The following FAM149A variants were observed in gnomAD, a reference collection of about 807,000 sequenced individuals.
The protein encoded by FAM149A is family with sequence similarity 149 member A.
In FAM149A, 71 loss-of-function variants were observed where a neutral mutation model predicts 78.2. The observed-to-expected ratio is 0.91, with a 90% confidence interval of 0.75 to 1.11. The LOEUF is 1.11. FAM149A is among the 50% of genes least tolerant of loss of function. The probability of loss-of-function intolerance (pLI) is 0.00; values close to 1 mark genes in which losing one functional copy is unlikely to be tolerated. For synonymous variants in FAM149A, 446 were observed against 410.5 expected, an observed-to-expected ratio of 1.09 and a Z score of -1.04; for missense variants, 1,036 against 971.0, an observed-to-expected ratio of 1.07 and a Z score of -0.89.
rs138257697 is a variant in FAM149A at position 186,157,722 on chromosome 4, C to A, written c.1575+3C>A. The A allele has an allele frequency of 1.2e-6, 2 of 1,603,586 alleles. No individual in the cohort carries two copies. The highest frequency in any genetic ancestry group is 1.7e-6 in the Non-Finnish European group (2 of 1,174,454). On this transcript the variant is annotated splice_donor_region_variant and intron_variant, in intron 8 of 13. Transcript: ENST00000389354. ...CTTCTCGTCTGAACCCGCCCCAGGT[C>A]GGTGCTTTCACACCCTTCTCCCTCT...
In FAM149A at chr4:186,152,124, C is replaced by T. The variant is rs918421019; in HGVS notation, c.932+79C>T. ...CTGACCTGCCTCGATACATTCAGTACATTTGGTGTGAAAGTGCCTGCCCAG... is the reference window on the plus strand; with the variant it reads ...CTGACCTGCCTCGATACATTCAGTATATTTGGTGTGAAAGTGCCTGCCCAG... On this transcript the variant is annotated intron_variant, in intron 4 of 13. Coordinates refer to ENST00000389354, the MANE Select transcript of FAM149A (RefSeq NM_001367768.3). The T allele has an allele frequency of 4.2e-6, 6 of 1,416,404 alleles. No individual in the cohort carries two copies. In the African/African-American group the frequency reaches 7.1e-5, roughly 17 times the overall value. 87.7% of individuals were successfully genotyped at this position (1,416,404 alleles called of 1,614,324 possible). A position where few individuals can be genotyped will look rare whatever the true frequency, so the allele number is the denominator to read the frequency against.
chr4:186,136,318 G>A (rs1489242027), intron 1 of FAM149A, among the ~76,000 whole-genome samples: 2 of 152,068 alleles, frequency 1.3e-5, no homozygotes, highest in East Asian at 3.9e-4. Context: ...ACTAAGTATA[G>A]TAAACAAATG....
rs184624566 is a variant in FAM149A, at chr4:186,120,559, C to T, written c.566+14917C>T. ...CTGTAATCCCAGCACTTTGGGAGGC[C>T]GAGGCAGGTGGATCACGAGATTAGG... On this transcript the variant is annotated intron_variant, in intron 1 of 13. Coordinates refer to ENST00000389354, the MANE Select transcript of FAM149A (RefSeq NM_001367768.3). Among the ~76,000 whole-genome samples, 86 of 151,834 alleles carry T rather than the reference C, an allele frequency of 5.7e-4. 1 individual carries two copies. The highest frequency in any genetic ancestry group is 3.7e-3 in the East Asian group (19 of 5,104).
chr4:186,120,494 T>G (rs922162515), intron 1 of FAM149A, among the ~76,000 whole-genome samples: 6 of 151,932 alleles, frequency 3.9e-5, no homozygotes, highest in African/African-American at 1.5e-4. Context: ...AATAAAAATT[T>G]AAAAATCACG....
At position 186,129,869 on chromosome 4, in the gene FAM149A, T is replaced by C. The variant is rs141498027; in HGVS notation, c.567-19304T>C. ...CCAACTAAAAGGAAGCTGATGTATC[T>C]TGTATTAGACCAAGTAGACTCCCAA... On this transcript the variant is annotated intron_variant, in intron 1 of 13. Transcript: ENST00000389354. Among the ~76,000 whole-genome samples, 428 of 152,338 alleles carry C rather than the reference T, an allele frequency of 2.8e-3. 2 individuals carry two copies. Among genetic ancestry groups the C allele is most frequent in the African/African-American group, 9.9e-3 (412 of 41,590 alleles).
At chr4:186,154,887 G>A (rs1192053475) in intron 6 of FAM149A, 1 of 985,250 alleles carries the variant, frequency 1.0e-6, no homozygotes, top group Non-Finnish European at 1.2e-6. Context: ...CTGGTCCTGG[G>A]GGCTCCAGGT....
chr4:186,123,252 A>G (rs938263649), intron 1 of FAM149A: 14 of 985,194 alleles, frequency 1.4e-5, no homozygotes, highest in African/African-American at 8.7e-5. Context: ...GGCTGTTTGT[A>G]TAGTTTATTT....
Position 186,175,177 on chromosome 4 carries a change from C to A in FAM149A, c.*3190C>A, listed in dbSNP as rs537418570. Among the ~76,000 whole-genome samples the A allele has an allele frequency of 3.6e-5, 4 of 110,974 alleles. 2 individuals are homozygous for A. Among genetic ancestry groups the A allele is most frequent in the Admixed American group, 1.8e-4 (2 of 11,390 alleles). The allele number at this position is 110,974 out of a possible 152,430, so 72.8% of individuals were successfully genotyped here. A position where few individuals can be genotyped will look rare whatever the true frequency, so the allele number is the denominator to read the frequency against. On this transcript the variant is annotated 3_prime_UTR_variant, in exon 14 of 14. Coordinates refer to ENST00000389354, the MANE Select transcript of FAM149A (RefSeq NM_001367768.3). ...GAATTTCTACACCAATTCAGAAGTA[C>A]GTTTTTATATATCATTTGGATATTA... is the stretch of plus-strand genomic sequence containing the variant.
At chr4:186,111,717 A>G (rs1309508655) in intron 1 of FAM149A, among the ~76,000 whole-genome samples, 6 of 151,290 alleles carry the variant, frequency 4.0e-5, no homozygotes, top group South Asian at 2.1e-4. Flanking sequence ...GATATGCGGC[A>G]TTATTTCTGA....
chr4:186,168,756 C>G (rs1735279401), intron 13 of FAM149A, among the ~76,000 whole-genome samples: 1 of 152,180 alleles, frequency 6.6e-6, no homozygotes, highest in Non-Finnish European at 1.5e-5. Context: ...CACTCTGTGC[C>G]AAGGTCTATG....
chr4:186,117,565 C>T lies in FAM149A; in HGVS notation c.566+11923C>T, dbSNP rs574205316. 1.5e-5 allele frequency: 15 copies of T among 985,392 alleles called. No individual in the cohort carries two copies. In the East Asian group the frequency reaches 6.8e-4, roughly 45 times the overall value. The allele number at this position is 985,392 out of a possible 1,614,324, so 61.0% of individuals were successfully genotyped here. A position where few individuals can be genotyped will look rare whatever the true frequency, so the allele number is the denominator to read the frequency against. On this transcript the variant is annotated intron_variant, in intron 1 of 13. Coordinates refer to ENST00000389354, the MANE Select transcript of FAM149A (RefSeq NM_001367768.3). ...CACCTGGGGCTTGGGAGGGCACTGT[C>T]GGAGACCAAAGCAGTGTGAGCAAAG...
In FAM149A at chr4:186,144,213, G is replaced by A. The variant is rs1185507983; in HGVS notation, c.567-4960G>A. 1 of 152,178 alleles carries A rather than the reference G, an allele frequency of 6.6e-6. No individual in the cohort carries two copies. The highest frequency in any genetic ancestry group is 1.9e-4 in the East Asian group (1 of 5,172). The allele number at this position is 152,178 out of a possible 1,614,324, so 9.4% of individuals were successfully genotyped here. A position where few individuals can be genotyped will look rare whatever the true frequency, so the allele number is the denominator to read the frequency against. ...GGCAGTTTCACCAGCTCACAGGAGA[G>A]CGTCCAGCTGCTCTGCTCCTGGTAT... On this transcript the variant is annotated intron_variant, in intron 1 of 13. Coordinates refer to ENST00000389354, the MANE Select transcript of FAM149A (RefSeq NM_001367768.3). This position sits in a 1 kb window ranked among gnomAD's most constrained non-coding sequence, Gnocchi z 4.2.
intron 5 of FAM149A, 135 bp downstream of exon 5, chr4:186,153,905 G>C: frequency 1.1e-6 from 1 of 882,746 alleles, no homozygotes; most frequent in Non-Finnish European, 1.7e-6. Context: ...CAGGTACAGA[G>C]AACAATTTTT....
intron 13 of FAM149A, chr4:186,169,913 C>G (rs763684241): frequency 1.4e-5 from 14 of 985,314 alleles, no homozygotes; most frequent in African/African-American, 1.7e-5. Flanking sequence ...ATGCACAGCT[C>G]CAAGAGGTTT....
Position 186,130,660 on chromosome 4 carries a change from A to G in FAM149A, c.567-18513A>G, listed in dbSNP as rs190341053. On this transcript the variant is annotated intron_variant, in intron 1 of 13. Transcript: ENST00000389354. Reference sequence around the variant, plus strand: ...AGGCATGAGCCACCGTGCCTGGCCAATTATGTATAATTTTTTGGAGTCAAT... The same window carrying G: ...AGGCATGAGCCACCGTGCCTGGCCAGTTATGTATAATTTTTTGGAGTCAAT... Among the ~76,000 whole-genome samples, 466 of 152,038 alleles carry G rather than the reference A, an allele frequency of 3.1e-3. 15 individuals are homozygous for G. The highest frequency in any genetic ancestry group is 4.1e-4 in the Non-Finnish European group (28 of 67,976).
chr4:186,104,905 G>T lies in FAM149A; in HGVS notation c.-172G>T. On this transcript the variant is annotated 5_prime_UTR_variant, in exon 1 of 14. Transcript: ENST00000389354. ...GGACGGACCCGGGCCGGGGAAGGGCGACCCCAGCGGCGCGGAGCTGAGCGT... is the reference window on the plus strand; with the variant it reads ...GGACGGACCCGGGCCGGGGAAGGGCTACCCCAGCGGCGCGGAGCTGAGCGT... The T allele has an allele frequency of 1.9e-5, 18 of 945,766 alleles. No homozygotes were observed. Among genetic ancestry groups the T allele is most frequent in the Non-Finnish European group, 2.3e-5 (18 of 793,818 alleles). The allele number at this position is 945,766 out of a possible 1,614,324, so 58.6% of individuals were successfully genotyped here.
At chr4:186,170,115 C>T (rs1361431115) in intron 13 of FAM149A, among the ~76,000 whole-genome samples, 3 of 152,210 alleles carry the variant, frequency 2.0e-5, no homozygotes, top group African/African-American at 7.2e-5. Flanking sequence ...CAGGGGACTC[C>T]CTGGAGCTCC....
intron 13 of FAM149A, chr4:186,171,315 C>G (rs543809320): frequency 6.6e-6 from 1 of 152,322 alleles, no homozygotes; most frequent in Admixed American, 6.5e-5. Flanking sequence ...AACTCTGAGA[C>G]AGCTACTATT....
chr4:186,109,811 T>G, intron 1 of FAM149A: 1 of 985,172 alleles, frequency 1.0e-6, no homozygotes, highest in Non-Finnish European at 1.2e-6. Flanking sequence ...ATAAATGGTG[T>G]CTTTTAGTTC....
Sources: allele counts gnomAD v4.1 joint callset (sites outside exome capture counted in the v4.1 genomes callset), GRCh38; gene constraint gnomAD v4.1.1; non-coding constraint Gnocchi (gnomAD v3.1); transcripts MANE v1.5; gene names NCBI Gene and HGNC (gene_info 2026-07-23, HGNC 2026-07-21).